The following PPY variants were observed in gnomAD, a reference collection of about 807,000 sequenced individuals.
PPY encodes pancreatic polypeptide prohormone.
A neutral mutation model predicts 9.3 loss-of-function variants in PPY; 6 were observed. That is an observed-to-expected ratio of 0.64 (90% CI 0.35 to 1.27). The LOEUF is 1.27. PPY is among the 50% of genes most tolerant of loss of function. PPY has a pLI of 0.03. For missense variants in PPY, 109 were observed against 119.1 expected (o/e 0.91, Z 0.40); for synonymous variants, 58 against 54.6 (o/e 1.06, Z -0.27).
chr17:43,941,417 C>T, intron 2 of PPY, 47 bp downstream of exon 2: 1 of 1,610,768 alleles, frequency 6.2e-7, no homozygotes, highest in Non-Finnish European at 8.5e-7. Flanking sequence ...TGGAGTGGGC[C>T]CAGGGTCCCA....
intron 3 of PPY, 63 bp downstream of exon 3, chr17:43,941,080 A>T: frequency 1.3e-6 from 2 of 1,546,668 alleles, no homozygotes; most frequent in Non-Finnish European, 1.8e-6. Flanking sequence ...GCCCTGATTC[A>T]GTCCCACCAC....
rs903115900 is a variant in PPY, at chr17:43,941,559, C to T, written c.96G>A (p.Leu32=). The part of the protein sequence containing the change: ...QPLLGAQGAP[L]EPVYPGDNAT... ...CATTGTCCCCTGGGTACACTGGCTC[C>T]AGTGGGGCTCCCTGGGCACCCAGCA... The change falls in exon 2 of 4, where the codon CTG becomes CTA. Residue 32 remains leucine, a synonymous_variant. Transcript: ENST00000225992. 5 of 1,613,870 alleles carry T rather than the reference C, an allele frequency of 3.1e-6. No homozygotes were observed. In the African/African-American group the frequency reaches 6.7e-5, roughly 22 times the overall value.
intron 3 of PPY, 45 bp from the exon 4 acceptor site, chr17:43,940,997 G>A (rs753291428): frequency 9.4e-6 from 15 of 1,588,440 alleles, no homozygotes; most frequent in South Asian, 1.1e-5. Context: ...GGTAGGCCTC[G>A]TGCCCTCAGG....
In PPY at chr17:43,941,449, A is replaced by G. The variant is rs2048576885; in HGVS notation, c.191+15T>C. 6.2e-7 allele frequency: 1 copy of G among 1,613,516 alleles called. No homozygotes were observed. The highest frequency in any genetic ancestry group is 1.1e-5 in the South Asian group (1 of 91,052). On this transcript the variant is annotated intron_variant, in intron 2 of 3. Coordinates refer to ENST00000225992, the MANE Select transcript of PPY (RefSeq NM_002722.5). The stretch of plus-strand genomic sequence containing the variant: ...CCCAGGGGCTGGGATCTCTCTCCCC[A>G]ACTGTGGCACACACCTAGGCCTGGT...
chr17:43,941,633 G>A lies in PPY; in HGVS notation c.22C>T (p.Leu8Phe). Residue 8 changes from leucine to phenylalanine, a missense_variant, in exon 2 of 4, where the codon CTC becomes TTC. Leu to Phe is a conservative substitution (Grantham distance 22, BLOSUM62 0). Transcript: ENST00000225992. ...CAGGTGGACAGGAGCAGCAGGGAGA[G>A]GCAGAGGCGTGCGGCAGCCATCTGA... Reference protein sequence around the residue: MAAARLCLSLLLLSTCVA... With the variant: MAAARLCFSLLLLSTCVA... The A allele has an allele frequency of 1.2e-6, 2 of 1,611,092 alleles. No individual in the cohort carries two copies. The highest frequency in any genetic ancestry group is 1.7e-6 in the Non-Finnish European group (2 of 1,179,180).
At chr17:43,943,704 TG>T (rs991140316), upstream of PPY, among the ~76,000 whole-genome samples, 1 of 151,864 alleles carries the variant, frequency 6.6e-6, no homozygotes, top group Non-Finnish European at 1.5e-5. Context: ...AGTTGGGAGA[TG>T]GGGGGGACTG....
chr17:43,941,287 G>A (rs1470044824), intron 2 of PPY, 73 bp from the exon 3 acceptor site: 12 of 1,522,944 alleles, frequency 7.9e-6, no homozygotes, highest in Non-Finnish European at 1.1e-5. Context: ...TCTGCCTGTA[G>A]GCACCATCTT....
intron 1 of PPY, among the ~76,000 whole-genome samples, chr17:43,941,949 A>G (rs1397746125): frequency 6.6e-6 from 1 of 152,162 alleles, no homozygotes; most frequent in Non-Finnish European, 1.5e-5. Flanking sequence ...CATGACATCC[A>G]GGGCCTCATG....
At chr17:43,944,028 CG>C (rs1466781645), upstream of PPY, among the ~76,000 whole-genome samples, 3 of 152,238 alleles carry the variant, frequency 2.0e-5, no homozygotes, top group African/African-American at 7.2e-5. Context: ...AAAGCAAATA[CG>C]AAAGTCATTC....
upstream of PPY, among the ~76,000 whole-genome samples, chr17:43,942,673 A>C (rs925131727): frequency 6.6e-6 from 1 of 152,152 alleles, no homozygotes. The surrounding 1 kb of genome is among the most constrained non-coding windows in gnomAD (Gnocchi z 5.3). Context: ...TAACAGATAA[A>C]ACTGGACCAC....
upstream of PPY, among the ~76,000 whole-genome samples, chr17:43,944,153 G>T (rs1354707692): frequency 1.3e-5 from 2 of 152,194 alleles, no homozygotes; most frequent in Non-Finnish European, 2.9e-5. Flanking sequence ...AGAGGTTGCA[G>T]CTCGCCGCCA....
Position 43,940,882 on chromosome 17 carries a change from G to A in PPY, c.*46C>T, listed in dbSNP as rs1482780496. ...CAGAGCCAAGGGTGCAGAGGGGAGA[G>A]CTGGGCTGGCGCTGCTCATGGAGTC... On this transcript the variant is annotated 3_prime_UTR_variant, in exon 4 of 4. Transcript: ENST00000225992. 1 of 1,587,196 alleles carries A rather than the reference G, an allele frequency of 6.3e-7. No individual in the cohort carries two copies. The highest frequency in any genetic ancestry group is 8.6e-7 in the Non-Finnish European group (1 of 1,166,230).
At chr17:43,942,914 G>T (rs2048587974), upstream of PPY, among the ~76,000 whole-genome samples, 1 of 152,202 alleles carries the variant, frequency 6.6e-6, no homozygotes, top group Non-Finnish European at 1.5e-5. The surrounding 1 kb of genome is among the most constrained non-coding windows in gnomAD (Gnocchi z 5.3). Flanking sequence ...TACAGCCAGA[G>T]CCTCCAGGCT....
In PPY at chr17:43,940,926, CATT is replaced by C. The variant is rs1263383572; in HGVS notation, c.287_*1del. The stretch of plus-strand genomic sequence containing the variant: ...TGGAGTCGTAGGAGACAGAAGGTGG[CATT>C]ATAAGTCCAGCGGGCTGAGCTCCCT... On this transcript the variant is annotated stop_lost and 3_prime_UTR_variant, in exon 4 of 4. Transcript: ENST00000225992. The C allele has an allele frequency of 1.2e-6, 2 of 1,607,460 alleles. No individual in the cohort carries two copies. Among genetic ancestry groups the C allele is most frequent in the Non-Finnish European group, 8.5e-7 (1 of 1,177,256 alleles).
Position 43,941,636 on chromosome 17 carries a change from A to G in PPY, c.19T>C (p.Cys7Arg). 1 of 1,609,806 alleles carries G rather than the reference A, an allele frequency of 6.2e-7. No homozygotes were observed. Among genetic ancestry groups the G allele is most frequent in the Non-Finnish European group, 8.5e-7 (1 of 1,178,642 alleles). The change falls in exon 2 of 4, where the codon TGC becomes CGC. Residue 7 changes from cysteine (C) to arginine (R), a missense_variant. Cys to Arg is a radical substitution (Grantham distance 180). Transcript: ENST00000225992. ...GTGGACAGGAGCAGCAGGGAGAGGC[A>G]GAGGCGTGCGGCAGCCATCTGAGGA... MAAARL[C>R]LSLLLLSTCV...
rs1346786820 is a variant in PPY at position 43,940,962 on chromosome 17, C to T, written c.264-10G>A. ...CAGCGGGCTGAGCTCCCTGTGAGGA[C>T]AGGGCAGAACATGGCAGTGTAGGGG... On this transcript the variant is annotated splice_polypyrimidine_tract_variant and intron_variant, in intron 3 of 3. Transcript: ENST00000225992. 6 of 1,606,820 alleles carry T rather than the reference C, an allele frequency of 3.7e-6. No homozygotes were observed. In the African/African-American group the frequency reaches 5.3e-5, roughly 14 times the overall value.
At chr17:43,941,768 G>A in intron 1 of PPY, 114 bp from the exon 2 acceptor site, 2 of 1,171,748 alleles carry the variant, frequency 1.7e-6, no homozygotes, top group Non-Finnish European at 2.4e-6. Context: ...TCCAAGCCTG[G>A]GGACAAGGGG....
chr17:43,940,982 T>C (rs1322379695), intron 3 of PPY, 30 bp from the exon 4 acceptor site: 15 of 1,601,566 alleles, frequency 9.4e-6, no homozygotes, highest in African/African-American at 1.3e-5. Context: ...CATGGCAGTG[T>C]AGGGGGTAGG....
In PPY at chr17:43,941,193, C is replaced by G. The variant is rs1462499722; in HGVS notation, c.213G>C (p.Glu71Asp). 6.4e-7 allele frequency: 1 copy of G among 1,551,558 alleles called. No individual in the cohort carries two copies. Among genetic ancestry groups the G allele is most frequent in the African/African-American group, 1.4e-5 (1 of 73,040 alleles). Residue 71 changes from glutamate to aspartate, a missense_variant, in exon 3 of 4, where the codon GAG becomes GAC. Glu to Asp is a conservative substitution (Grantham distance 45). Transcript: ENST00000225992. Reference sequence around the variant, plus strand: ...CCCACTCCGAGAAGGCCAGCGTGTCCTCTTTGTGTCTTTTCCCATACCTGG... The same window carrying G: ...CCCACTCCGAGAAGGCCAGCGTGTCGTCTTTGTGTCTTTTCCCATACCTGG... ...TRPRYGKRHK[E>D]DTLAFSEWGS...
Sources: allele counts gnomAD v4.1 joint callset (sites outside exome capture counted in the v4.1 genomes callset), GRCh38; gene constraint gnomAD v4.1.1; non-coding constraint Gnocchi (gnomAD v3.1); transcripts MANE v1.5; gene names NCBI Gene and HGNC (gene_info 2026-07-23, HGNC 2026-07-21).